NDUFAF7: variants seen among roughly 807,000 people sequenced by gnomAD.
NDUFAF7 encodes the protein protein arginine methyltransferase NDUFAF7, mitochondrial.
NDUFAF7 carries 48 observed loss-of-function variants against 47.2 expected under a neutral mutation model. That is an observed-to-expected ratio of 1.02 (90% CI 0.81 to 1.29). The LOEUF (loss-of-function observed/expected upper bound fraction) is 1.29. Ranked by LOEUF, NDUFAF7 falls within the 50% of genes most tolerant of loss-of-function variation. NDUFAF7 has a pLI of 0.00. For synonymous variants in NDUFAF7, 217 were observed against 190.0 expected (o/e 1.14, Z -1.17); for missense variants, 635 against 537.6 (o/e 1.18, Z -1.79).
chr2:37,245,928 C>A, intron 7 of NDUFAF7, 124 bp from the exon 8 acceptor site: 2 of 1,088,442 alleles, frequency 1.8e-6, no homozygotes, highest in Non-Finnish European at 2.7e-6. Flanking sequence ...AGAGAACATA[C>A]TCATATTAAG....
At chr2:37,256,552 T>C (rs1050024515), downstream of NDUFAF7, 26 of 1,304,828 alleles carry the variant, frequency 2.0e-5, no homozygotes, top group Non-Finnish European at 2.6e-5. Context: ...ATGGGAGATG[T>C]ACTAAAAAGA....
At chr2:37,269,587 C>A in the NDUFAF7 span, 5 of 1,574,602 alleles carry the variant, frequency 3.2e-6, no homozygotes, top group Non-Finnish European at 4.4e-6. Context: ...ATAATGTGTA[C>A]AATATGCAAA....
In NDUFAF7 at chr2:37,247,622, G is replaced by T. The variant is rs768398787; in HGVS notation, c.1103G>T (p.Arg368Leu). Residue 368 changes from arginine to leucine, a missense_variant, in exon 9 of 10, where the codon CGG (arginine) becomes CTG (leucine). By Grantham distance (102) the Arg-to-Leu change is moderately radical. Transcript: ENST00000002125. ...TTAAAAAATATGGGTATTGATGTCC[G>T]GCTGAAGGTAAGGTTTATTTTATTT... ...TFLKNMGIDV[R>L]LKVLLDKSNE... The T allele has an allele frequency of 5.0e-6, 8 of 1,613,584 alleles. No homozygotes were observed. In the East Asian group the frequency reaches 1.3e-4, roughly 27 times the overall value.
chr2:37,267,828 C>G, the NDUFAF7 span: 2 of 307,288 alleles, frequency 6.5e-6, no homozygotes, highest in African/African-American at 4.5e-5. Flanking sequence ...GTTAATTACC[C>G]TGACCTAGTC....
downstream of NDUFAF7, among the ~76,000 whole-genome samples, chr2:37,249,887 T>C (rs1667340367): frequency 6.6e-6 from 1 of 151,964 alleles, no homozygotes; most frequent in Non-Finnish European, 1.5e-5. Flanking sequence ...CAGAAGTTCA[T>C]TGGCAGTGAT....
At chr2:37,244,069 C>T (rs951157971) in intron 7 of NDUFAF7, 96 bp downstream of exon 7, 45 of 1,076,254 alleles carry the variant, frequency 4.2e-5, no homozygotes, top group Non-Finnish European at 1.2e-5. Flanking sequence ...AGTTCCTTTA[C>T]AGGAAGAGTT....
At chr2:37,257,078 T>C (rs1363084539), downstream of NDUFAF7, 2 of 944,554 alleles carry the variant, frequency 2.1e-6, no homozygotes, top group Non-Finnish European at 3.1e-6. Flanking sequence ...AATTGTAAAA[T>C]ATCCTTTTCT....
chr2:37,267,344 CT>C, the NDUFAF7 span: 3 of 900,170 alleles, frequency 3.3e-6, no homozygotes, highest in Non-Finnish European at 4.9e-6. Context: ...ATTTTGCCTT[CT>C]TAAAAAAAAA....
chr2:37,259,520 T>A, the NDUFAF7 span: 1 of 1,326,048 alleles, frequency 7.5e-7, no homozygotes, highest in Non-Finnish European at 1.1e-6. Context: ...CACTGCCTTT[T>A]ATTATGTGGG....
At chr2:37,259,527 T>G in the NDUFAF7 span, 1 of 1,357,820 alleles carries the variant, frequency 7.4e-7, no homozygotes, top group Non-Finnish European at 1.0e-6. Context: ...TTTTATTATG[T>G]GGGTGCTTTG....
At chr2:37,268,037 T>C in the NDUFAF7 span, 2 of 197,330 alleles carry the variant, frequency 1.0e-5, no homozygotes, top group African/African-American at 4.8e-5. Context: ...AAGTTTATTA[T>C]AATGAACAGT....
At chr2:37,267,463 T>G in the NDUFAF7 span, 1 of 1,609,924 alleles carries the variant, frequency 6.2e-7, no homozygotes, top group South Asian at 1.1e-5. Context: ...GGAGTTGACT[T>G]TCTTGTTTTG....
At position 37,246,053 on chromosome 2, in the gene NDUFAF7, A is replaced by G. The variant is rs990992827; in HGVS notation, c.794A>G (p.His265Arg). ...CTCTTGCAATGATCCCTTTACTAGC[A>G]TGACGAAACAAGGGATCATGTTGAA... ...SATPAEAFIQ[H>R]DETRDHVEVC... The change falls in exon 8 of 10, where the codon CAT becomes CGT. Residue 265 changes from histidine to arginine, a missense_variant and splice_region_variant. Coordinates refer to ENST00000002125, the MANE Select transcript of NDUFAF7 (RefSeq NM_144736.5). 5 of 1,613,644 alleles carry G rather than the reference A, an allele frequency of 3.1e-6. No homozygotes were observed. Among genetic ancestry groups the G allele is most frequent in the African/African-American group, 1.3e-5 (1 of 74,922 alleles).
In NDUFAF7 at chr2:37,237,971, T is replaced by G. The variant is rs1478988459; in HGVS notation, c.408+104T>G. On this transcript the variant is annotated intron_variant, in intron 4 of 9. Coordinates refer to ENST00000002125, the MANE Select transcript of NDUFAF7 (RefSeq NM_144736.5). ...ATTGGTTTTCAGTTCCTTAATTTCATATTTCTCAGCTAAAATATAATGTCA... is the reference window on the plus strand; with the variant it reads ...ATTGGTTTTCAGTTCCTTAATTTCAGATTTCTCAGCTAAAATATAATGTCA... 1.2e-5 allele frequency: 10 copies of G among 803,728 alleles called. No individual in the cohort carries two copies. In the Admixed American group the frequency reaches 2.1e-4, roughly 17 times the overall value. The allele number at this position is 803,728 out of a possible 1,614,324, so 49.8% of individuals were successfully genotyped here.
downstream of NDUFAF7, among the ~76,000 whole-genome samples, chr2:37,254,902 A>G (rs1667810997): frequency 6.6e-6 from 1 of 152,206 alleles, no homozygotes; most frequent in Non-Finnish European, 1.5e-5. Flanking sequence ...AGTTCTTGGT[A>G]TATATATTTT....
chr2:37,249,558 GACACACACACACACACACACACACAC>G (rs56374800), downstream of NDUFAF7, among the ~76,000 whole-genome samples: 16 of 128,422 alleles, frequency 1.2e-4, 1 homozygote, highest in Admixed American at 1.1e-3. Context: ...GCCTGTGATA[GACACACACACACACACACACACACAC>G]ACACACACAC....
chr2:37,232,355 C>G, intron 2 of NDUFAF7, 89 bp downstream of exon 2: 1 of 1,544,268 alleles, frequency 6.5e-7, no homozygotes, highest in Non-Finnish European at 8.9e-7. Flanking sequence ...GTTCTCAGCC[C>G]AGGCAGTGGG....
intron 7 of NDUFAF7, among the ~76,000 whole-genome samples, chr2:37,245,158 CAG>C (rs1666771879): frequency 6.6e-6 from 1 of 152,176 alleles, no homozygotes; most frequent in Admixed American, 6.5e-5. Flanking sequence ...GAAAACAACT[CAG>C]AAAGTTTAAG....
At chr2:37,232,322 A>G in intron 2 of NDUFAF7, 56 bp downstream of exon 2, 4 of 1,605,502 alleles carry the variant, frequency 2.5e-6, no homozygotes, top group Non-Finnish European at 3.4e-6. Flanking sequence ...GCGAGGTGCA[A>G]GCCAGGAGGG....
Sources: allele counts gnomAD v4.1 joint callset (sites outside exome capture counted in the v4.1 genomes callset), GRCh38; gene constraint gnomAD v4.1.1; transcripts MANE v1.5; gene names NCBI Gene and HGNC (gene_info 2026-07-23, HGNC 2026-07-21).